Variants in SNX25 observed in about 807,000 individuals in gnomAD.
The protein encoded by SNX25 is sorting nexin-25.
In SNX25, 62 loss-of-function variants were observed where a neutral mutation model predicts 113.7. That is an observed-to-expected ratio of 0.55 (90% confidence interval 0.44 to 0.67). The LOEUF (loss-of-function observed/expected upper bound fraction) is 0.67. Ranked by LOEUF, SNX25 falls within the 30% of genes least tolerant of loss-of-function variation. The probability of loss-of-function intolerance (pLI) is 0.00; values close to 1 mark genes in which losing one functional copy is unlikely to be tolerated. For missense variants in SNX25, 1,014 were observed against 1,161.0 expected, an observed-to-expected ratio of 0.87 and a Z score of 1.84; for synonymous variants, 421 against 436.2, an observed-to-expected ratio of 0.97 and a Z score of 0.43.
chr4:185,278,204 A>G lies in SNX25; in HGVS notation c.1092-9808A>G, dbSNP rs114899758. 4.0e-3 allele frequency among the ~76,000 whole-genome samples: 610 copies of G among 152,298 alleles called. 2 individuals carry two copies. Among genetic ancestry groups the G allele is most frequent in the African/African-American group, 0.013 (544 of 41,560 alleles). ...CGGTAGCCACATGTTCTGTCTTTCA[A>G]TGACCCTGTACTGTAGAGAAATGCA... On this transcript the variant is annotated intron_variant, in intron 5 of 18. Coordinates refer to ENST00000652585, the MANE Select transcript of SNX25 (RefSeq NM_001378034.2).
intron 13 of SNX25, among the ~76,000 whole-genome samples, chr4:185,346,974 C>T (rs1185340096): frequency 6.6e-6 from 1 of 152,162 alleles, no homozygotes; most frequent in African/African-American, 2.4e-5. Flanking sequence ...CTTCCAGCAC[C>T]ATAGATCAGT....
intron 12 of SNX25, among the ~76,000 whole-genome samples, chr4:185,345,747 C>T (rs994049600): frequency 6.6e-6 from 1 of 151,708 alleles, no homozygotes; most frequent in African/African-American, 2.4e-5. Context: ...GCCATGATCA[C>T]GCCACTGCAC....
At chr4:185,375,412 C>T in the SNX25 span, among the ~76,000 whole-genome samples, 4 of 126,620 alleles carry the variant, frequency 3.2e-5, no homozygotes, top group Non-Finnish European at 6.5e-5. Context: ...GCCGAGGTCG[C>T]GCCATTGCAC....
At chr4:185,304,223 G>A (rs1754128949) in intron 6 of SNX25, among the ~76,000 whole-genome samples, 1 of 152,198 alleles carries the variant, frequency 6.6e-6, no homozygotes, top group South Asian at 2.1e-4. Context: ...ATAGCTCACT[G>A]TAACCTCAAA....
At chr4:185,360,885 C>T (rs958574850) in intron 16 of SNX25, among the ~76,000 whole-genome samples, 2 of 150,630 alleles carry the variant, frequency 1.3e-5, no homozygotes, top group Non-Finnish European at 1.5e-5. Context: ...TGCCACTGCA[C>T]TCCAGCCTGG....
chr4:185,230,719 A>G lies in SNX25; in HGVS notation c.430-16575A>G, dbSNP rs565358928. 3.3e-5 allele frequency among the ~76,000 whole-genome samples: 5 copies of G among 152,278 alleles called. No homozygotes were observed. In the East Asian group the frequency reaches 9.6e-4, roughly 29 times the overall value. ...TGGCCCAGGGATCATAATCTTTATC[A>G]TCAGGACCAGTTCGCAGTGTTTCCT... On this transcript the variant is annotated intron_variant, in intron 1 of 18. Transcript: ENST00000652585.
intron 2 of SNX25, among the ~76,000 whole-genome samples, chr4:185,254,582 C>T (rs1224573016): frequency 2.0e-5 from 3 of 152,170 alleles, no homozygotes; most frequent in Non-Finnish European, 2.9e-5. Flanking sequence ...TTGTGGGTAG[C>T]GATTACCTAA....
chr4:185,361,691 T>A (rs984421708), intron 16 of SNX25, among the ~76,000 whole-genome samples: 2 of 151,506 alleles, frequency 1.3e-5, no homozygotes, highest in African/African-American at 4.9e-5. Flanking sequence ...TGAGCCGAGA[T>A]CACACCACTG....
intron 3 of SNX25, 130 bp from the exon 4 acceptor site, chr4:185,264,308 A>G: frequency 2.3e-6 from 2 of 875,778 alleles, no homozygotes; most frequent in Non-Finnish European, 3.4e-6. Flanking sequence ...GGTTGAGGAA[A>G]TTTGATTATT....
downstream of SNX25, chr4:185,366,329 G>A (rs2095387965): frequency 6.6e-6 from 1 of 152,186 alleles, no homozygotes; most frequent in Non-Finnish European, 1.5e-5. Flanking sequence ...TATGGAAAAT[G>A]AGCTGAAGCA....
intron 1 of SNX25, among the ~76,000 whole-genome samples, chr4:185,230,272 C>T (rs1177767812): frequency 1.3e-5 from 2 of 152,086 alleles, no homozygotes; most frequent in Non-Finnish European, 2.9e-5. Context: ...TATGAACATA[C>T]AAATGAAATA....
At position 185,356,166 on chromosome 4, in the gene SNX25, G is replaced by A. The variant is rs767113225; in HGVS notation, c.2585-1505G>A. ...GCTCGCGTGTGTGTGTGTGTGTATC[G>A]GGGGGTTACTGGGGACTAGGGAAGG... On this transcript the variant is annotated intron_variant, in intron 15 of 18. Transcript: ENST00000652585. Among the ~76,000 whole-genome samples the A allele has an allele frequency of 9.9e-5, 15 of 151,582 alleles. 1 individual carries two copies. In the East Asian group the frequency reaches 1.5e-3, roughly 16 times the overall value.
At chr4:185,308,721 G>A (rs1050793506) in intron 6 of SNX25, among the ~76,000 whole-genome samples, 2 of 151,994 alleles carry the variant, frequency 1.3e-5, no homozygotes, top group Admixed American at 6.6e-5. Context: ...ATATATTTAC[G>A]ATCTCCCTTG....
At chr4:185,375,760 A>G in the SNX25 span, 5 of 1,435,952 alleles carry the variant, frequency 3.5e-6, no homozygotes, top group East Asian at 1.2e-4. Flanking sequence ...AATTATTTTT[A>G]TTATGATCTT....
chr4:185,219,866 C>G (rs561819422), intron 1 of SNX25, among the ~76,000 whole-genome samples: 6 of 151,962 alleles, frequency 3.9e-5, no homozygotes, highest in Non-Finnish European at 8.8e-5. Context: ...CTTAACTGTT[C>G]CAGATATTTC....
intron 6 of SNX25, among the ~76,000 whole-genome samples, chr4:185,290,170 T>C (rs1280452305): frequency 6.6e-6 from 1 of 152,252 alleles, no homozygotes; most frequent in Non-Finnish European, 1.5e-5. Flanking sequence ...GCAAAGGCCC[T>C]GTCTCCAAAT....
At chr4:185,257,866 A>G (rs1294997385) in intron 2 of SNX25, among the ~76,000 whole-genome samples, 1 of 152,208 alleles carries the variant, frequency 6.6e-6, no homozygotes, top group East Asian at 1.9e-4. Context: ...GGCTGAGCCT[A>G]GTGTGATATC....
intron 1 of SNX25, among the ~76,000 whole-genome samples, chr4:185,239,461 A>G (rs57366317): frequency 0.026 from 4,019 of 152,120 alleles, 149 homozygotes; most frequent in African/African-American, 0.085. Flanking sequence ...CCAGCCTGGC[A>G]ACAGAGTGAG....
chr4:185,214,410 A>G (rs950637206), intron 1 of SNX25, among the ~76,000 whole-genome samples: 2 of 150,940 alleles, frequency 1.3e-5, no homozygotes, highest in African/African-American at 2.4e-5. Context: ...AAAAAAAAAA[A>G]AAGAAAAAAA....
Sources: gnomAD v4.1 joint callset for allele counts (sites outside exome capture counted in the v4.1 genomes callset) on GRCh38, gnomAD v4.1.1 for gene constraint, MANE v1.5 for transcripts, NCBI Gene and HGNC (gene_info 2026-07-23, HGNC 2026-07-21) for gene names.